Variants in EXOC2 observed in about 807,000 individuals in gnomAD.
EXOC2 encodes the protein exocyst complex component 2.
Under a neutral mutation model 131.8 loss-of-function variants are expected in EXOC2, and 70 were observed. The observed-to-expected ratio is 0.53, with a 90% CI of 0.44 to 0.65. The LOEUF (loss-of-function observed/expected upper bound fraction) is 0.65. Among genes scored for constraint, EXOC2 ranks in the 30% least tolerant of loss-of-function variants. The pLI, the probability that EXOC2 is intolerant of heterozygous loss-of-function variation, is 0.00. For missense variants in EXOC2, 923 were observed against 1,108.6 expected (o/e 0.83, Z 2.38); for synonymous variants, 411 against 398.4 (o/e 1.03, Z -0.38).
chr6:527,344 C>T (rs568042713), intron 23 of EXOC2, among the ~76,000 whole-genome samples: 1 of 152,230 alleles, frequency 6.6e-6, no homozygotes, highest in Non-Finnish European at 1.5e-5. Context: ...TGTGCAATGT[C>T]TCTTGTAAAA....
At chr6:492,431 T>C (rs1387329884) in intron 25 of EXOC2, among the ~76,000 whole-genome samples, 1 of 152,172 alleles carries the variant, frequency 6.6e-6, no homozygotes, top group African/African-American at 2.4e-5. Flanking sequence ...TGAAAACACA[T>C]GTCCACACAA....
intron 11 of EXOC2, among the ~76,000 whole-genome samples, chr6:577,425 T>A (rs1758644693): frequency 6.6e-6 from 1 of 152,198 alleles, no homozygotes; most frequent in Admixed American, 6.5e-5. Flanking sequence ...CTTTATTGTC[T>A]CACACTCAAA....
At chr6:677,709 C>T (rs572814098) in intron 1 of EXOC2, among the ~76,000 whole-genome samples, 38 of 152,206 alleles carry the variant, frequency 2.5e-4, no homozygotes, top group South Asian at 8.3e-4. Flanking sequence ...CCTTGTGATC[C>T]GCTTGCCTCG....
At chr6:510,172 C>A (rs1420073532) in intron 23 of EXOC2, among the ~76,000 whole-genome samples, 2 of 152,190 alleles carry the variant, frequency 1.3e-5, no homozygotes, top group African/African-American at 4.8e-5. Flanking sequence ...CCTAACCATT[C>A]TGCAGCAAAA....
chr6:659,713 A>C (rs146556197), intron 1 of EXOC2, among the ~76,000 whole-genome samples: 2,526 of 152,294 alleles, frequency 0.017, 43 homozygotes, highest in Non-Finnish European at 0.022. Flanking sequence ...CTGGGAGCTC[A>C]CTGTGTCCCC....
Position 497,350 on chromosome 6 carries a change from T to C in EXOC2, c.2559+17A>G. 9 of 1,610,240 alleles carry C rather than the reference T, an allele frequency of 5.6e-6. No individual in the cohort carries two copies. Among genetic ancestry groups the C allele is most frequent in the Non-Finnish European group, 7.6e-6 (9 of 1,178,220 alleles). On this transcript the variant is annotated intron_variant, in intron 25 of 27. Coordinates refer to ENST00000230449, the MANE Select transcript of EXOC2 (RefSeq NM_018303.6). The stretch of plus-strand genomic sequence containing the variant: ...ATAACAACAGAAGTTCAATATGAAA[T>C]TGAATGATTTTGTTACCTGTAAAGC...
At chr6:494,129 A>T (rs1316653522) in intron 25 of EXOC2, among the ~76,000 whole-genome samples, 3 of 152,252 alleles carry the variant, frequency 2.0e-5, no homozygotes, top group Admixed American at 2.0e-4. Context: ...CGATAATATC[A>T]AAGATCTGAT....
intron 5 of EXOC2, 52 bp downstream of exon 5, chr6:619,378 C>A: frequency 7.0e-7 from 1 of 1,428,506 alleles, no homozygotes; most frequent in Non-Finnish European, 9.9e-7. Flanking sequence ...GTAATTCCAT[C>A]TTTAGCATCT....
chr6:632,431 A>C (rs1461697975), intron 3 of EXOC2, among the ~76,000 whole-genome samples: 1 of 152,220 alleles, frequency 6.6e-6, no homozygotes, highest in Non-Finnish European at 1.5e-5. Context: ...ATAAAGAAGG[A>C]AAACAAAGTG....
chr6:653,862 T>C (rs1449298071), intron 1 of EXOC2, among the ~76,000 whole-genome samples: 1 of 152,196 alleles, frequency 6.6e-6, no homozygotes, highest in Non-Finnish European at 1.5e-5. Flanking sequence ...AGGTTGACTC[T>C]GTTGTTAGGG....
intron 6 of EXOC2, among the ~76,000 whole-genome samples, chr6:613,888 A>C (rs1760843437): frequency 6.6e-6 from 1 of 151,856 alleles, no homozygotes; most frequent in South Asian, 2.1e-4. Context: ...TAATTTAAAT[A>C]AATAAATAAA....
intron 21 of EXOC2, among the ~76,000 whole-genome samples, chr6:551,798 G>T (rs1052401433): frequency 1.6e-4 from 25 of 152,184 alleles, no homozygotes; most frequent in Non-Finnish European, 1.6e-4. Flanking sequence ...GTTTAAATGG[G>T]ATTTTCCATC....
chr6:606,493 C>T (rs846168), intron 7 of EXOC2, among the ~76,000 whole-genome samples: 13,623 of 152,166 alleles, frequency 0.09, 1,043 homozygotes, highest in African/African-American at 0.21. Context: ...ATTAAAGCGT[C>T]ATATTTCTTT....
In EXOC2 at chr6:637,670, G is replaced by C. The variant is rs368261507; in HGVS notation, c.118+31C>G. The C allele has an allele frequency of 1.0e-4, 156 of 1,540,530 alleles. No individual in the cohort carries two copies. The African/African-American group carries it at 1.6e-3, about 16-fold the overall frequency. On this transcript the variant is annotated intron_variant, in intron 2 of 27. Transcript: ENST00000230449. ...CCTTGTCCACATAAAAATCCGATTA[G>C]CAGGGTGCGTCGCAGGGCCTCTGCC...
rs1234086698 is a variant in EXOC2, at chr6:497,471, C to T, written c.2455G>A (p.Glu819Lys). The T allele has an allele frequency of 2.5e-6, 4 of 1,611,734 alleles. No homozygotes were observed. In the Admixed American group the frequency reaches 5.0e-5, roughly 20 times the overall value. Reference sequence around the variant, plus strand: ...TTGGATAGTACCCGAGGGACCAGTTCTTTGGAAATGGTGAACACCTGGTTT... The same window carrying T: ...TTGGATAGTACCCGAGGGACCAGTTTTTTGGAAATGGTGAACACCTGGTTT... The part of the protein sequence containing the change: ...VHAEVFTISK[E>K]LVPRVLSKVI... The change falls in exon 25 of 28, where the codon GAA becomes AAA. Residue 819 changes from glutamate to lysine, a missense_variant. Transcript: ENST00000230449.
Position 599,963 on chromosome 6 carries a change from CA to C in EXOC2, c.743-739del. Among the ~76,000 whole-genome samples the C allele has an allele frequency of 2.0e-5, 3 of 151,878 alleles. 1 individual carries two copies. The Middle Eastern group carries it at 0.01, about 517-fold the overall frequency. On this transcript the variant is annotated intron_variant, in intron 7 of 27. Transcript: ENST00000230449. ...GTGTACAAAAACAGTTTAAATTTTG[CA>C]ACTTGTGAATTAGTTTTAATTCCAC... is the stretch of plus-strand genomic sequence containing the variant.
intron 23 of EXOC2, among the ~76,000 whole-genome samples, chr6:501,168 ATATATATCTATAT>A (rs1764070112): frequency 3.7e-5 from 1 of 26,754 alleles, no homozygotes; most frequent in Admixed American, 9.5e-4. Flanking sequence ...TATATATATT[ATATATATCTATAT>A]ATTATATATA....
At chr6:587,252 T>C (rs1188411840) in intron 11 of EXOC2, among the ~76,000 whole-genome samples, 2 of 151,938 alleles carry the variant, frequency 1.3e-5, no homozygotes, top group African/African-American at 2.4e-5. Flanking sequence ...ATGTGTATTT[T>C]TTTTTTTTTT....
Position 495,687 on chromosome 6 carries a change from C to T in EXOC2, c.2559+1680G>A, listed in dbSNP as rs77584911. ...AGCTCTAGTTCCATCACATTCTTGC[C>T]GACGTCTACTAGAGTCAGTCTTTAA... On this transcript the variant is annotated intron_variant, in intron 25 of 27. Transcript: ENST00000230449. 1.4e-3 allele frequency among the ~76,000 whole-genome samples: 214 copies of T among 152,182 alleles called. 1 individual carries two copies. Among genetic ancestry groups the T allele is most frequent in the East Asian group, 3.5e-3 (18 of 5,182 alleles).
Sources: gnomAD v4.1 joint callset for allele counts (sites outside exome capture counted in the v4.1 genomes callset) on GRCh38, gnomAD v4.1.1 for gene constraint, MANE v1.5 for transcripts, NCBI Gene and HGNC (gene_info 2026-07-23, HGNC 2026-07-21) for gene names.